Variants in LARGE1 observed in about 807,000 individuals in gnomAD.
The protein encoded by LARGE1 is xylosyl- and glucuronyltransferase LARGE1.
A neutral mutation model predicts 87.6 loss-of-function variants in LARGE1; 43 were observed. The observed-to-expected ratio is 0.49, with a 90% CI of 0.38 to 0.63. LARGE1 has a LOEUF of 0.63. Among genes scored for constraint, LARGE1 ranks in the 30% least tolerant of loss-of-function variants. LARGE1 has a pLI of 0.00. For missense variants in LARGE1, 802 were observed against 1,000.2 expected (o/e 0.80, Z 2.67); for synonymous variants, 434 against 394.6 (o/e 1.10, Z -1.18).
intron 2 of LARGE1, among the ~76,000 whole-genome samples, chr22:33,654,209 A>G (rs1229997645): frequency 6.6e-6 from 1 of 152,238 alleles, no homozygotes; most frequent in East Asian, 1.9e-4. Flanking sequence ...AGAGGAATCA[A>G]TGTTGAAAAA....
chr22:33,502,920 C>CTT (rs2070547320), intron 6 of LARGE1, among the ~76,000 whole-genome samples: 1 of 151,920 alleles, frequency 6.6e-6, no homozygotes, highest in African/African-American at 2.4e-5. Context: ...TCGTACCAGG[C>CTT]TTTTACACAT....
At chr22:33,852,257 G>A (rs1441950136) in intron 1 of LARGE1, among the ~76,000 whole-genome samples, 1 of 152,086 alleles carries the variant, frequency 6.6e-6, no homozygotes, top group Non-Finnish European at 1.5e-5. Context: ...CAGCCCTGGA[G>A]CTACAAAAAG....
intron 10 of LARGE1, 119 bp downstream of exon 10, chr22:33,337,518 GGGCACCGAT>G: frequency 4.7e-6 from 5 of 1,069,898 alleles, no homozygotes; most frequent in Non-Finnish European, 7.0e-6. Flanking sequence ...GGTGGACCCT[GGGCACCGAT>G]GGCGTTGTGT....
intron 1 of LARGE1, among the ~76,000 whole-genome samples, chr22:33,859,096 G>A (rs982109863): frequency 2.9e-4 from 44 of 152,056 alleles, no homozygotes; most frequent in Non-Finnish European, 5.0e-4. Flanking sequence ...TGTAGATGAC[G>A]GGTTGATGGG....
rs143524037 is a variant in LARGE1, at chr22:33,200,037, T to G, written c.1731-33205A>C. Among the ~76,000 whole-genome samples the G allele has an allele frequency of 8.0e-3, 1,211 of 152,038 alleles. 55 individuals carry two copies. The South Asian group carries it at 0.12, about 15-fold the overall frequency. On this transcript the variant is annotated intron_variant, in intron 11 of 11. Coordinates refer to the LARGE1 transcript ENST00000608642. ...CTAATTTTTGTATTTTTAGTAGAGA[T>G]GGGGTTTCACCATCTTGGCCAGGCT...
At chr22:33,859,752 C>T (rs2063858721) in intron 1 of LARGE1, among the ~76,000 whole-genome samples, 1 of 152,180 alleles carries the variant, frequency 6.6e-6, no homozygotes, top group Admixed American at 6.5e-5. Context: ...TGTTCAGCAA[C>T]AGATAAATGG....
chr22:33,191,583 G>A (rs137414), intron 11 of LARGE1, among the ~76,000 whole-genome samples: 55,729 of 152,032 alleles, frequency 0.37, 10,723 homozygotes, highest in Non-Finnish European at 0.43. Context: ...TTCCTAGTCC[G>A]TGGTTTCACC....
At chr22:33,080,940 A>C in the LARGE1 span, among the ~76,000 whole-genome samples, 1 of 144,628 alleles carries the variant, frequency 6.9e-6, no homozygotes, top group African/African-American at 2.7e-5. Context: ...TCATCCGTTC[A>C]TCCATCTGTC....
chr22:33,293,999 A>G (rs1271147404), intron 12 of LARGE1, among the ~76,000 whole-genome samples: 1 of 152,214 alleles, frequency 6.6e-6, no homozygotes, highest in Non-Finnish European at 1.5e-5. Context: ...TTATTTCAAG[A>G]AGCCCATCCC....
intron 2 of LARGE1, chr22:33,733,638 A>T (rs1412721016): frequency 6.6e-6 from 1 of 152,196 alleles, no homozygotes; most frequent in Non-Finnish European, 1.5e-5. Context: ...CCATCCATCC[A>T]TCTATCCATC....
At chr22:33,472,183 T>C (rs2068872129) in intron 6 of LARGE1, among the ~76,000 whole-genome samples, 1 of 152,186 alleles carries the variant, frequency 6.6e-6, no homozygotes, top group Admixed American at 6.5e-5. Context: ...CTGATTCTCC[T>C]GGTTGGTTTC....
intron 11 of LARGE1, among the ~76,000 whole-genome samples, chr22:33,176,504 A>G (rs1922879590): frequency 6.6e-6 from 1 of 152,240 alleles, no homozygotes; most frequent in Admixed American, 6.5e-5. Context: ...AAGGATATGA[A>G]TAGAGACTTT....
At chr22:33,919,467 TC>T (rs1008598675) in intron 1 of LARGE1, among the ~76,000 whole-genome samples, 2 of 152,092 alleles carry the variant, frequency 1.3e-5, no homozygotes, top group Non-Finnish European at 2.9e-5. Flanking sequence ...TGGCTGGGCT[TC>T]CCCCCTACAG....
intron 1 of LARGE1, among the ~76,000 whole-genome samples, chr22:33,851,858 C>A (rs2083416677): frequency 6.6e-6 from 1 of 152,138 alleles, no homozygotes. Context: ...GAGGCTAAAG[C>A]CATAATCGGT....
intron 10 of LARGE1, among the ~76,000 whole-genome samples, chr22:33,319,552 C>T (rs12484639): frequency 0.28 from 42,753 of 151,968 alleles, 6,710 homozygotes; most frequent in Non-Finnish European, 0.37. Context: ...CTCACCACCA[C>T]GCCCGGCTAA....
intron 9 of LARGE1, among the ~76,000 whole-genome samples, chr22:33,338,142 C>A (rs575077927): frequency 9.2e-5 from 14 of 152,192 alleles, no homozygotes; most frequent in African/African-American, 3.1e-4. Flanking sequence ...ACTCTACAAA[C>A]CCTAATTCTG....
At chr22:33,490,006 C>T (rs1283066867) in intron 6 of LARGE1, among the ~76,000 whole-genome samples, 1 of 152,170 alleles carries the variant, frequency 6.6e-6, no homozygotes, top group East Asian at 1.9e-4. Flanking sequence ...CACGGTTTCC[C>T]CGCCTTGTAT....
chr22:33,501,361 G>A (rs1052207404), intron 6 of LARGE1, among the ~76,000 whole-genome samples: 5 of 152,188 alleles, frequency 3.3e-5, no homozygotes, highest in African/African-American at 4.8e-5. Flanking sequence ...ATGGGAGATC[G>A]CCTCTGTGTT....
At chr22:33,187,644 C>T (rs1384398587) in intron 11 of LARGE1, among the ~76,000 whole-genome samples, 1 of 151,954 alleles carries the variant, frequency 6.6e-6, no homozygotes. Flanking sequence ...GGAGGCCGGG[C>T]GCGATGGCTC....
Sources: allele counts gnomAD v4.1 joint callset (sites outside exome capture counted in the v4.1 genomes callset), GRCh38; gene constraint gnomAD v4.1.1; transcripts MANE v1.5; gene names NCBI Gene and HGNC (gene_info 2026-07-23, HGNC 2026-07-21).